Variants in ARMCX4 observed in about 807,000 individuals in gnomAD.
ARMCX4 encodes the protein armadillo repeat containing X-linked 4, also known as armadillo repeat-containing X-linked protein 4.
A neutral mutation model predicts 34.7 loss-of-function variants in ARMCX4; 3 were observed. That is an observed-to-expected ratio of 0.09 (90% CI 0.04 to 0.22). ARMCX4 has a LOEUF of 0.22. Ranked by LOEUF, ARMCX4 falls within the 10% of genes least tolerant of loss-of-function variation. The probability of loss-of-function intolerance (pLI) is 1.00; values close to 1 mark genes in which losing one functional copy is unlikely to be tolerated. For synonymous variants in ARMCX4, 513 were observed against 632.8 expected, an observed-to-expected ratio of 0.81 and a Z score of 2.84; for missense variants, 1,448 against 1,720.8, an observed-to-expected ratio of 0.84 and a Z score of 2.81.
intron 11 of ARMCX4, among the ~76,000 whole-genome samples, chrX:101,520,422 A>G (rs919673428): frequency 1.1e-4 from 12 of 112,195 alleles, no homozygotes; most frequent in South Asian, 3.7e-4. Context: ...TCTTTTATCA[A>G]ATGGAGGAAG....
intron 4 of ARMCX4, among the ~76,000 whole-genome samples, chrX:101,477,803 C>T (rs1556004672): frequency 9.0e-6 from 1 of 111,358 alleles, no homozygotes; most frequent in Admixed American, 9.6e-5. Context: ...TTGTCACTAC[C>T]GTGTGAGGTT....
intron 4 of ARMCX4, among the ~76,000 whole-genome samples, chrX:101,462,939 A>T (rs1226429785): frequency 1.8e-5 from 2 of 111,743 alleles, no homozygotes; most frequent in Non-Finnish European, 3.8e-5. Context: ...TATTCAGAGG[A>T]TTGCTGCCAG....
intron 11 of ARMCX4, among the ~76,000 whole-genome samples, chrX:101,517,166 T>C (rs1227385000): frequency 8.9e-6 from 1 of 111,967 alleles, no homozygotes; most frequent in Non-Finnish European, 1.9e-5. Context: ...TAATATGTAG[T>C]GTCTGTTTTA....
chrX:101,497,900 T>G (rs1934214845), downstream of ARMCX4, among the ~76,000 whole-genome samples: 1 of 111,876 alleles, frequency 8.9e-6, no homozygotes, highest in South Asian at 3.8e-4. Context: ...GCTGCCCTGA[T>G]TCCCCTTCAG....
Position 101,490,636 on chromosome X carries a change from G to A in ARMCX4, c.2047G>A (p.Asp683Asn). 5.2e-6 allele frequency: 6 copies of A among 1,156,500 alleles called. No homozygotes were observed. The highest frequency in any genetic ancestry group is 6.9e-6 in the Non-Finnish European group (6 of 873,066). ...MASSKGEALL[D>N]SKNKVKGNSN... ...CAGTTCCAAGGGTGAGGCCTTGCTT[G>A]ATTCTAAGAATAAGGTCAAGGGTAA... Residue 683 changes from aspartate to asparagine, a missense_variant, in exon 6 of 6, where the codon GAT (aspartate) becomes AAT (asparagine). Physicochemically the swap from Asp to Asn is conservative, Grantham distance 23. Around this residue, in one of 2 missense-constraint regions of ARMCX4, gnomAD observed 1,343 missense variants for 1,540.7 expected, o/e 0.87. Coordinates refer to ENST00000423738, the MANE Select transcript of ARMCX4 (RefSeq NM_001256155.3).
chrX:101,476,627 TA>T (rs2147639020), intron 4 of ARMCX4, among the ~76,000 whole-genome samples: 1 of 110,702 alleles, frequency 9.0e-6, no homozygotes, highest in East Asian at 2.8e-4. Flanking sequence ...AAAGAAGAAA[TA>T]AAAATCATGA....
intron 11 of ARMCX4, among the ~76,000 whole-genome samples, chrX:101,522,067 C>T (rs1934865995): frequency 9.0e-6 from 1 of 111,161 alleles, no homozygotes; most frequent in African/African-American, 3.3e-5. Flanking sequence ...GATCTTTTAT[C>T]TAGTTGTTCT....
At chrX:101,467,513 G>A (rs1199056008) in intron 4 of ARMCX4, among the ~76,000 whole-genome samples, 1 of 111,887 alleles carries the variant, frequency 8.9e-6, no homozygotes, top group African/African-American at 3.2e-5. Flanking sequence ...CAAGGAGCTA[G>A]GAAAAAAATC....
rs782567082 is a variant in ARMCX4, at chrX:101,426,022, C to T, written n.164+7022C>T. On this transcript the variant is annotated intron_variant and non_coding_transcript_variant, in intron 2 of 3. Transcript: ENST00000430461. Reference sequence around the variant, plus strand: ...ATTTTTTGTAGACATGGGGTCTTGCCATGTTACCCAGTCTGGTCTCGAATT... The same window carrying T: ...ATTTTTTGTAGACATGGGGTCTTGCTATGTTACCCAGTCTGGTCTCGAATT... Among the ~76,000 whole-genome samples, 11 of 110,114 alleles carry T rather than the reference C, an allele frequency of 1.0e-4. No individual in the cohort carries two copies. The East Asian group carries it at 3.2e-3, about 32-fold the overall frequency.
chrX:101,465,178 A>G (rs1932772208), intron 4 of ARMCX4, among the ~76,000 whole-genome samples: 1 of 111,694 alleles, frequency 9.0e-6, no homozygotes, highest in Non-Finnish European at 1.9e-5. Context: ...TTTAAGCCCC[A>G]AAATACCAAA....
chrX:101,453,351 T>G lies in ARMCX4; in HGVS notation c.-473+7307T>G, dbSNP rs1173206239. Reference sequence around the variant, plus strand: ...GGCTCTAAGCCCCTAATTGCTCAGTTTCAGTAAATTTGATGTTCTATAGAC... The same window carrying G: ...GGCTCTAAGCCCCTAATTGCTCAGTGTCAGTAAATTTGATGTTCTATAGAC... On this transcript the variant is annotated intron_variant and NMD_transcript_variant, in intron 4 of 15. Transcript: ENST00000433011. Among the ~76,000 whole-genome samples the G allele has an allele frequency of 5.3e-5, 6 of 112,299 alleles. No homozygotes were observed. In the East Asian group the frequency reaches 1.7e-3, roughly 31 times the overall value.
Position 101,493,411 on chromosome X carries a change from A to G in ARMCX4, c.4822A>G (p.Ile1608Val). Reference sequence around the variant, plus strand: ...AGGGTCTGAGGATCAGTCCAGTGGAATAGGTTCCTGGGGTGTGGCTGGTGG... The same window carrying G: ...AGGGTCTGAGGATCAGTCCAGTGGAGTAGGTTCCTGGGGTGTGGCTGGTGG... Reference protein sequence around the residue: ...RPGSEDQSSGIGSWGVAGGQV... With the variant: ...RPGSEDQSSGVGSWGVAGGQV... The change falls in exon 6 of 6, where the codon ATA (isoleucine) becomes GTA (valine). Residue 1608 changes from isoleucine (I) to valine (V), a missense_variant. Physicochemically the swap from Ile to Val is conservative, Grantham distance 29 (BLOSUM62 3). Coordinates refer to ENST00000423738, the MANE Select transcript of ARMCX4 (RefSeq NM_001256155.3). 8.7e-7 allele frequency: 1 copy of G among 1,152,871 alleles called. No homozygotes were observed. The highest frequency in any genetic ancestry group is 1.1e-6 in the Non-Finnish European group (1 of 871,885).
chrX:101,480,027 T>C (rs781976668), intron 4 of ARMCX4, among the ~76,000 whole-genome samples: 1 of 108,790 alleles, frequency 9.2e-6, no homozygotes, highest in African/African-American at 3.3e-5. Flanking sequence ...ATGAAACAGA[T>C]CTGAGTATAA....
At chrX:101,428,620 C>G (rs917738919) in intron 2 of ARMCX4, among the ~76,000 whole-genome samples, 1 of 111,745 alleles carries the variant, frequency 8.9e-6, no homozygotes, top group Admixed American at 9.6e-5. Context: ...CTCCATCTCT[C>G]TCTGTTCTCT....
chrX:101,433,947 C>CT (rs782236846), intron 2 of ARMCX4, among the ~76,000 whole-genome samples: 1,153 of 101,261 alleles, frequency 0.011, 6 homozygotes, highest in Non-Finnish European at 0.017. Flanking sequence ...TGGTTATCCA[C>CT]TTTTTTTTTT....
At chrX:101,509,243 T>C (rs1351552564) in intron 8 of ARMCX4, 1 of 111,784 alleles carries the variant, frequency 8.9e-6, no homozygotes, top group Non-Finnish European at 1.9e-5. Flanking sequence ...AACTTTTATT[T>C]TGGGATTTCT....
At chrX:101,506,342 G>A (rs1556015140) in intron 8 of ARMCX4, among the ~76,000 whole-genome samples, 1 of 111,486 alleles carries the variant, frequency 9.0e-6, no homozygotes, top group African/African-American at 3.3e-5. Context: ...AGTCTACTTG[G>A]GCCGCTACAA....
At chrX:101,451,798 ATG>A, downstream of ARMCX4, among the ~76,000 whole-genome samples, 1 of 112,537 alleles carries the variant, frequency 8.9e-6, no homozygotes, top group South Asian at 3.6e-4. Context: ...TTTAAAAAGA[ATG>A]TAATGTTTTT....
At chrX:101,499,976 T>A (rs1934260450), downstream of ARMCX4, among the ~76,000 whole-genome samples, 1 of 112,009 alleles carries the variant, frequency 8.9e-6, no homozygotes, top group Non-Finnish European at 1.9e-5. Context: ...AAAGGCCGAG[T>A]GCCCAGGAAG....
Sources: gnomAD v4.1 joint callset for allele counts (sites outside exome capture counted in the v4.1 genomes callset) on GRCh38, gnomAD v4.1.1 for gene constraint, gnomAD v4.1.1 regional missense constraint, MANE v1.5 for transcripts, NCBI Gene and HGNC (gene_info 2026-07-23, HGNC 2026-07-21) for gene names.